Variants in COA1 observed in about 807,000 individuals in gnomAD.
COA1 encodes the protein cytochrome c oxidase assembly factor 1.
COA1 carries 13 observed loss-of-function variants against 16.0 expected under a neutral mutation model. That is an observed-to-expected ratio of 0.81 (90% CI 0.53 to 1.29). COA1 has a LOEUF of 1.29. COA1 is among the 50% of genes most tolerant of loss of function. The probability of loss-of-function intolerance (pLI) is 0.00; values close to 1 mark genes in which losing one functional copy is unlikely to be tolerated. For missense variants in COA1, 179 were observed against 177.0 expected (o/e 1.01, Z -0.06); for synonymous variants, 65 against 65.7 (o/e 0.99, Z 0.05).
chr7:43,623,766 T>A lies in COA1; in HGVS notation c.*134-14271A>T. 1 of 1,608,396 alleles carries A rather than the reference T, an allele frequency of 6.2e-7. No individual in the cohort carries two copies. The highest frequency in any genetic ancestry group is 8.5e-7 in the Non-Finnish European group (1 of 1,178,134). ...CAGGAATATCACCTTTCTTAGGCAA[T>A]GATAAACAAGAAACATTCTTAAACA... On this transcript the variant is annotated intron_variant and NMD_transcript_variant, in intron 6 of 6. Coordinates refer to the COA1 transcript ENST00000415076.
At chr7:43,724,662 G>A (rs1382543332) in intron 1 of COA1, among the ~76,000 whole-genome samples, 2 of 152,090 alleles carry the variant, frequency 1.3e-5, no homozygotes, top group Admixed American at 6.5e-5. Context: ...AATATCTATC[G>A]ACTAATGAAT....
chr7:43,659,300 C>T (rs2092179972), intron 1 of COA1, among the ~76,000 whole-genome samples: 1 of 152,200 alleles, frequency 6.6e-6, no homozygotes, highest in Admixed American at 6.5e-5. Flanking sequence ...TTACAAAAAA[C>T]TTGAGCATTG....
At chr7:43,698,833 C>T (rs375916400) in intron 1 of COA1, among the ~76,000 whole-genome samples, 96 of 152,284 alleles carry the variant, frequency 6.3e-4, no homozygotes, top group African/African-American at 2.2e-3. Context: ...CAATTAGATA[C>T]GGCTTGAAGG....
chr7:43,729,328 G>A (rs2095693305), intron 1 of COA1, 101 bp downstream of exon 1: 2 of 152,366 alleles, frequency 1.3e-5, no homozygotes, highest in Admixed American at 1.3e-4. Flanking sequence ...AACTCTCCAA[G>A]AAGCAGCGCA....
intron 2 of COA1, 60 bp downstream of exon 2, chr7:43,648,540 T>TA: frequency 6.3e-7 from 1 of 1,575,940 alleles, no homozygotes; most frequent in Non-Finnish European, 8.7e-7. Flanking sequence ...TTCTATTGTC[T>TA]AACTCGAGAA....
intron 6 of COA1, chr7:43,622,609 A>G (rs2084023788): frequency 6.6e-6 from 1 of 151,780 alleles, no homozygotes; most frequent in African/African-American, 2.4e-5. Flanking sequence ...GAGCATTTTT[A>G]TAATATTTTT....
intron 1 of COA1, chr7:43,650,730 T>C (rs1265743409): frequency 6.8e-6 from 1 of 146,880 alleles, no homozygotes; most frequent in Non-Finnish European, 1.5e-5. Flanking sequence ...AAAAACAAGA[T>C]AACAAAAATA....
intron 1 of COA1, among the ~76,000 whole-genome samples, chr7:43,655,625 G>A (rs957054965): frequency 1.3e-5 from 2 of 152,100 alleles, no homozygotes; most frequent in East Asian, 1.9e-4. Context: ...TTGCGCCACT[G>A]CACTCCAGCC....
chr7:43,627,595 G>A lies in COA1; in HGVS notation c.*133+11854C>T, dbSNP rs189933968. ...CTCACACCTCAATTTGAATTAGACTGATAAAAATGAAAAATAGCCATGTAC... is the reference window on the plus strand; with the variant it reads ...CTCACACCTCAATTTGAATTAGACTAATAAAAATGAAAAATAGCCATGTAC... On this transcript the variant is annotated intron_variant and NMD_transcript_variant, in intron 6 of 6. Coordinates refer to the COA1 transcript ENST00000415076. Among the ~76,000 whole-genome samples, 150 of 152,250 alleles carry A rather than the reference G, an allele frequency of 9.9e-4. 1 individual carries two copies. The South Asian group carries it at 0.013, about 13-fold the overall frequency.
intron 1 of COA1, among the ~76,000 whole-genome samples, chr7:43,700,469 T>TA (rs1352107539): frequency 6.6e-6 from 1 of 151,548 alleles, no homozygotes; most frequent in African/African-American, 2.4e-5. Flanking sequence ...TCAAATACGT[T>TA]ACCATCACAG....
intron 1 of COA1, among the ~76,000 whole-genome samples, chr7:43,694,347 A>C (rs1456175640): frequency 6.6e-6 from 1 of 151,906 alleles, no homozygotes; most frequent in Non-Finnish European, 1.5e-5. Flanking sequence ...ACTCTTCAAA[A>C]ATAATGTCTA....
intron 1 of COA1, among the ~76,000 whole-genome samples, chr7:43,725,995 A>C (rs1160311460): frequency 1.3e-5 from 2 of 148,802 alleles, no homozygotes; most frequent in Non-Finnish European, 3.0e-5. Flanking sequence ...AACAATACAG[A>C]ACACAATAGC....
chr7:43,675,423 G>T lies in COA1; in HGVS notation c.-38-26771C>A, dbSNP rs547607061. Among the ~76,000 whole-genome samples the T allele has an allele frequency of 2.6e-5, 4 of 152,054 alleles. No individual in the cohort carries two copies. In the East Asian group the frequency reaches 7.7e-4, roughly 29 times the overall value. On this transcript the variant is annotated intron_variant, in intron 1 of 5. Coordinates refer to ENST00000223336, the MANE Select transcript of COA1 (RefSeq NM_018224.4). ...AGGAAGGGGAACATCACACAGGAAG[G>T]GGAACATCACACACCAGGGACTGTT... is the stretch of plus-strand genomic sequence containing the variant.
At chr7:43,636,123 T>TAG (rs1323805763), downstream of COA1, among the ~76,000 whole-genome samples, 1 of 152,238 alleles carries the variant, frequency 6.6e-6, no homozygotes, top group African/African-American at 2.4e-5. Context: ...ACCCGTGTCT[T>TAG]AGAGGCATGT....
At chr7:43,644,829 G>GAGAGAA (rs1563230766) in intron 4 of COA1, among the ~76,000 whole-genome samples, 3 of 150,632 alleles carry the variant, frequency 2.0e-5, no homozygotes, top group Non-Finnish European at 4.4e-5. Context: ...GAGAGAGAGA[G>GAGAGAA]AGAGACAGGG....
chr7:43,641,557 T>A (rs944271290), intron 4 of COA1: 3 of 152,144 alleles, frequency 2.0e-5, no homozygotes, highest in East Asian at 1.9e-4. Context: ...CCAAAAAAAA[T>A]TCACTGTTTT....
chr7:43,657,006 G>T (rs1016662483), intron 1 of COA1, among the ~76,000 whole-genome samples: 1 of 152,024 alleles, frequency 6.6e-6, no homozygotes, highest in African/African-American at 2.4e-5. Flanking sequence ...ACCAGCCTGG[G>T]CAACACAGTG....
At chr7:43,702,515 A>C (rs1020739838) in intron 1 of COA1, among the ~76,000 whole-genome samples, 19 of 152,118 alleles carry the variant, frequency 1.2e-4, no homozygotes, top group African/African-American at 4.3e-4. Flanking sequence ...GCATAGTTTG[A>C]AGTCGGATAA....
intron 4 of COA1, among the ~76,000 whole-genome samples, chr7:43,644,753 GATAGA>G (rs1563228492): frequency 5.8e-5 from 6 of 102,682 alleles, no homozygotes; most frequent in Non-Finnish European, 1.0e-4. Context: ...TAGATAGATA[GATAGA>G]TAGGCAGGCA....
Sources: gnomAD v4.1 joint callset for allele counts (sites outside exome capture counted in the v4.1 genomes callset) on GRCh38, gnomAD v4.1.1 for gene constraint, MANE v1.5 for transcripts, NCBI Gene and HGNC (gene_info 2026-07-23, HGNC 2026-07-21) for gene names.